GRID2: variants seen among roughly 807,000 people sequenced by gnomAD.
GRID2 encodes glutamate receptor ionotropic, delta-2.
Under a neutral mutation model 114.8 loss-of-function variants are expected in GRID2, and 33 were observed. That is an observed-to-expected ratio of 0.29 (90% CI 0.22 to 0.38). The LOEUF is 0.38. Ranked by LOEUF, GRID2 falls within the 10% of genes least tolerant of loss-of-function variation. GRID2 has a pLI of 1.00. For synonymous variants in GRID2, 505 were observed against 449.9 expected, an observed-to-expected ratio of 1.12 and a Z score of -1.55; for missense variants, 1,184 against 1,257.7, an observed-to-expected ratio of 0.94 and a Z score of 0.89.
chr4:92,565,682 T>G (rs563705997), intron 1 of GRID2, among the ~76,000 whole-genome samples: 3 of 152,100 alleles, frequency 2.0e-5, no homozygotes, highest in East Asian at 3.9e-4. Context: ...TCCTGGCATA[T>G]GTACATACTC....
chr4:92,953,019 A>G lies in GRID2; in HGVS notation c.245-131976A>G, dbSNP rs80147664. ...TTTTACTTTCAGCTACATTACTCCA[A>G]TCTCTGCCACTGTCCTCATAAGGCA... On this transcript the variant is annotated intron_variant, in intron 2 of 15. Coordinates refer to ENST00000282020, the MANE Select transcript of GRID2 (RefSeq NM_001510.4). 6.7e-3 allele frequency among the ~76,000 whole-genome samples: 1,016 copies of G among 152,208 alleles called. 6 individuals are homozygous for G. Among genetic ancestry groups the G allele is most frequent in the Middle Eastern group, 0.051 (15 of 294 alleles).
In GRID2 at chr4:92,634,616, A is replaced by G. The variant is rs74687727; in HGVS notation, c.244+44330A>G. ...TAAATCATTACTTAAATAAATACCAATTTTTGAAGATATGGACAGAAAATG... is the reference window on the plus strand; with the variant it reads ...TAAATCATTACTTAAATAAATACCAGTTTTTGAAGATATGGACAGAAAATG... On this transcript the variant is annotated intron_variant, in intron 2 of 15. Transcript: ENST00000282020. Among the ~76,000 whole-genome samples the G allele has an allele frequency of 1.4e-3, 215 of 152,240 alleles. 9 individuals are homozygous for G. The East Asian group carries it at 0.037, about 26-fold the overall frequency.
chr4:92,549,447 C>T (rs972082906), intron 1 of GRID2, among the ~76,000 whole-genome samples: 3 of 152,110 alleles, frequency 2.0e-5, no homozygotes, highest in Non-Finnish European at 4.4e-5. Context: ...AGTCCTCATT[C>T]ACACACATCA....
intron 2 of GRID2, among the ~76,000 whole-genome samples, chr4:93,063,513 C>A (rs991120254): frequency 1.3e-5 from 2 of 151,836 alleles, no homozygotes; most frequent in Non-Finnish European, 2.9e-5. Flanking sequence ...TGGATATACT[C>A]AAATGTATAG....
chr4:93,580,439 T>C (rs2149593040), intron 13 of GRID2, among the ~76,000 whole-genome samples: 1 of 152,346 alleles, frequency 6.6e-6, no homozygotes, highest in Non-Finnish European at 1.5e-5. Flanking sequence ...AAAGAACTCC[T>C]GTGTTTTCAG....
At chr4:93,617,994 C>A (rs1399788229) in intron 13 of GRID2, among the ~76,000 whole-genome samples, 1 of 152,164 alleles carries the variant, frequency 6.6e-6, no homozygotes, top group Middle Eastern at 3.2e-3. Context: ...CCCTAACCTT[C>A]TGTACCCATT....
intron 8 of GRID2, among the ~76,000 whole-genome samples, chr4:93,295,324 G>A (rs745447905): frequency 3.3e-5 from 5 of 152,122 alleles, no homozygotes; most frequent in Admixed American, 6.5e-5. Flanking sequence ...AGATAAAAGA[G>A]TACAGGAGAC....
chr4:93,076,838 G>C (rs1226579271), intron 2 of GRID2, among the ~76,000 whole-genome samples: 1 of 151,686 alleles, frequency 6.6e-6, no homozygotes, highest in South Asian at 2.1e-4. Context: ...GGCTGGTCTC[G>C]AACTCCTGAC....
intron 14 of GRID2, among the ~76,000 whole-genome samples, chr4:93,726,545 G>A: frequency 6.6e-6 from 1 of 152,162 alleles, no homozygotes. Flanking sequence ...GCTTGATGGG[G>A]ATAGCATTGA....
At chr4:92,843,877 T>C (rs565697668) in intron 2 of GRID2, among the ~76,000 whole-genome samples, 84 of 152,240 alleles carry the variant, frequency 5.5e-4, no homozygotes, top group Middle Eastern at 6.8e-3. Context: ...AATCCGTAGG[T>C]CTACTGTGCT....
At chr4:93,299,232 G>GT (rs1457517699) in intron 8 of GRID2, among the ~76,000 whole-genome samples, 22 of 152,190 alleles carry the variant, frequency 1.4e-4, no homozygotes, top group African/African-American at 5.3e-4. Context: ...ATGCATTCAG[G>GT]TAGTTCAGGC....
At chr4:93,014,018 A>G (rs991277939) in intron 2 of GRID2, among the ~76,000 whole-genome samples, 19 of 152,184 alleles carry the variant, frequency 1.2e-4, no homozygotes, top group Admixed American at 8.5e-4. Context: ...AAAACAATTT[A>G]TATGATAATT....
intron 4 of GRID2, among the ~76,000 whole-genome samples, chr4:93,207,185 G>C (rs561374737): frequency 5.3e-5 from 8 of 152,096 alleles, no homozygotes; most frequent in Admixed American, 3.3e-4. Context: ...GATGAATTAT[G>C]TTTTCAAATA....
chr4:93,173,633 ATTGT>A (rs200002281), intron 4 of GRID2, among the ~76,000 whole-genome samples: 4 of 152,126 alleles, frequency 2.6e-5, no homozygotes, highest in East Asian at 1.9e-4. Flanking sequence ...TGTTAGTTCT[ATTGT>A]TTGTTTGTTT....
intron 2 of GRID2, among the ~76,000 whole-genome samples, chr4:92,719,772 A>G (rs1421278069): frequency 1.3e-5 from 2 of 152,148 alleles, no homozygotes; most frequent in African/African-American, 4.8e-5. Context: ...AAAATAGGAC[A>G]TGTAATTCAA....
intron 13 of GRID2, among the ~76,000 whole-genome samples, chr4:93,579,693 T>C (rs909674487): frequency 6.6e-6 from 1 of 152,154 alleles, no homozygotes; most frequent in Non-Finnish European, 1.5e-5. Flanking sequence ...TCTAGGGGCT[T>C]CTCAGTGAGC....
At chr4:92,852,468 T>C (rs1421087954) in intron 2 of GRID2, among the ~76,000 whole-genome samples, 1 of 151,972 alleles carries the variant, frequency 6.6e-6, no homozygotes, top group Non-Finnish European at 1.5e-5. Flanking sequence ...AGGGAAACTC[T>C]TTCTTCAAAT....
intron 8 of GRID2, among the ~76,000 whole-genome samples, chr4:93,274,704 T>C (rs1441101176): frequency 1.1e-4 from 16 of 152,104 alleles, no homozygotes; most frequent in Admixed American, 1.1e-3. Context: ...GAATTCTGTT[T>C]CTTTGGTAGG....
At chr4:92,961,834 T>C (rs957242120) in intron 2 of GRID2, among the ~76,000 whole-genome samples, 9 of 151,880 alleles carry the variant, frequency 5.9e-5, no homozygotes, top group Non-Finnish European at 1.0e-4. Context: ...TCACAATTCT[T>C]GGATATTCTG....
Sources: allele counts gnomAD v4.1 joint callset (sites outside exome capture counted in the v4.1 genomes callset), GRCh38; gene constraint gnomAD v4.1.1; transcripts MANE v1.5; gene names NCBI Gene and HGNC (gene_info 2026-07-23, HGNC 2026-07-21).